The following UGT1A3 variants were observed in gnomAD, a reference collection of about 807,000 sequenced individuals.
UGT1A3 encodes UDP glucuronosyltransferase family 1 member A3.
In UGT1A3, 31 loss-of-function variants were observed where a neutral mutation model predicts 41.0. The observed-to-expected ratio is 0.76, with a 90% CI of 0.57 to 1.02. The LOEUF is 1.02. Among genes scored for constraint, UGT1A3 ranks in the 50% least tolerant of loss-of-function variants. The pLI is 0.00. For missense variants in UGT1A3, 737 were observed against 671.0 expected (o/e 1.10, Z -1.09); for synonymous variants, 262 against 257.6 (o/e 1.02, Z -0.17).
Position 233,772,633 on chromosome 2 carries a change from T to G in UGT1A3, c.*74T>G. The G allele has an allele frequency of 6.4e-7, 1 of 1,555,996 alleles. No homozygotes were observed. Among genetic ancestry groups the G allele is most frequent in the Non-Finnish European group, 8.7e-7 (1 of 1,149,842 alleles). On this transcript the variant is annotated 3_prime_UTR_variant, in exon 5 of 5. Transcript: ENST00000482026. ...TCCAAACTTGAAAACAGAATCAGTG[T>G]TAAATTCATTTTATTCTTATTAAGG... is the stretch of plus-strand genomic sequence containing the variant.
chr2:233,745,020 A>G (rs1324116484), intron 1 of UGT1A3, among the ~76,000 whole-genome samples: 3 of 151,866 alleles, frequency 2.0e-5, no homozygotes, highest in Admixed American at 2.0e-4. Flanking sequence ...TGTAAATGCT[A>G]TGTAAATAGT....
chr2:233,753,031 A>G (rs1329655669), intron 1 of UGT1A3, among the ~76,000 whole-genome samples: 1 of 152,134 alleles, frequency 6.6e-6, no homozygotes, highest in African/African-American at 2.4e-5. Context: ...AACACAAAAA[A>G]CTACCATGAA....
At chr2:233,749,455 A>C (rs1355144259) in intron 1 of UGT1A3, among the ~76,000 whole-genome samples, 1 of 151,860 alleles carries the variant, frequency 6.6e-6, no homozygotes, top group East Asian at 1.9e-4. Flanking sequence ...GAGCAGAACG[A>C]ATTGGGAACT....
Position 233,772,517 on chromosome 2 carries a change from A to G in UGT1A3, c.1563A>G (p.Lys521=). Residue 521 remains lysine, a synonymous_variant, in exon 5 of 5, where the codon AAA becomes AAG. Transcript: ENST00000482026. Reference sequence around the variant, plus strand: ...ATGGCTACCGGAAATGCTTGGGGAAAAAAGGGCGAGTTAAGAAAGCCCACA... The same window carrying G: ...ATGGCTACCGGAAATGCTTGGGGAAGAAAGGGCGAGTTAAGAAAGCCCACA... ...CAYGYRKCLG[K]KGRVKKAHKS... 6.2e-7 allele frequency: 1 copy of G among 1,614,222 alleles called. No homozygotes were observed. Among genetic ancestry groups the G allele is most frequent in the South Asian group, 1.1e-5 (1 of 91,086 alleles).
At chr2:233,760,867 C>T (rs767983942) in intron 1 of UGT1A3, 3 of 1,614,156 alleles carry the variant, frequency 1.9e-6, no homozygotes, top group Non-Finnish European at 2.5e-6. Flanking sequence ...CTCCTACGTG[C>T]CCAGGCCTCT....
chr2:233,734,192 C>T (rs7567468), intron 1 of UGT1A3, among the ~76,000 whole-genome samples: 44,730 of 151,966 alleles, frequency 0.29, 6,702 homozygotes, highest in South Asian at 0.39. Context: ...ATTATTGCCT[C>T]AATTTCAGAG....
intron 1 of UGT1A3, among the ~76,000 whole-genome samples, chr2:233,742,141 C>G (rs569949528): frequency 6.6e-6 from 1 of 151,830 alleles, no homozygotes; most frequent in Non-Finnish European, 1.5e-5. Flanking sequence ...AACCCAGCAG[C>G]GCTAGACGAA....
chr2:233,757,160 CAG>C (rs980635310), intron 1 of UGT1A3, among the ~76,000 whole-genome samples: 33 of 151,262 alleles, frequency 2.2e-4, no homozygotes, highest in African/African-American at 7.8e-4. Context: ...GGGTCTATCC[CAG>C]AGTTTTGAGA....
chr2:233,748,792 C>G (rs1168235446), intron 1 of UGT1A3, among the ~76,000 whole-genome samples: 1 of 151,266 alleles, frequency 6.6e-6, no homozygotes, highest in Non-Finnish European at 1.5e-5. Context: ...ACTTGGAATG[C>G]TGAAATTATC....
At chr2:233,746,322 CTA>C (rs780402376) in intron 1 of UGT1A3, among the ~76,000 whole-genome samples, 9 of 151,756 alleles carry the variant, frequency 5.9e-5, no homozygotes, top group Non-Finnish European at 1.0e-4. Flanking sequence ...TGTAGATGAT[CTA>C]CAGGGCAATG....
At position 233,772,539 on chromosome 2, in the gene UGT1A3, C is replaced by T; in HGVS notation, c.1585C>T (p.His529Tyr). 1.9e-6 allele frequency: 3 copies of T among 1,614,040 alleles called. No homozygotes were observed. The East Asian group carries it at 6.7e-5, about 36-fold the overall frequency. The change falls in exon 5 of 5, where the codon CAC becomes TAC. Residue 529 changes from histidine to tyrosine, a missense_variant. His to Tyr is a moderately conservative substitution (Grantham distance 83). Transcript: ENST00000482026. Reference protein sequence around the residue: ...LGKKGRVKKAHKSKTH With the variant: ...LGKKGRVKKAYKSKTH ...GAAAAAAGGGCGAGTTAAGAAAGCC[C>T]ACAAATCCAAGACCCATTGAGAAGT...
Position 233,747,571 on chromosome 2 carries a change from C to A in UGT1A3, c.867+17578C>A, listed in dbSNP as rs1265322590. The A allele has an allele frequency of 7.6e-6, 12 of 1,588,364 alleles. No individual in the cohort carries two copies. In the African/African-American group the frequency reaches 1.4e-4, roughly 18 times the overall value. ...AAAAGTATGGCAATTTTGAAAAATT[C>A]ATCTTTGGTCTTTCATAGGTCTTGT... On this transcript the variant is annotated intron_variant, in intron 1 of 4. Coordinates refer to ENST00000482026, the MANE Select transcript of UGT1A3 (RefSeq NM_019093.4).
chr2:233,768,231 A>T lies in UGT1A3; in HGVS notation c.1099A>T (p.Thr367Ser). ...PQNDLLGHPM[T>S]RAFITHAGSH... ...ATTTTGCATCTCAGGTCACCCGATG[A>T]CCCGTGCCTTTATCACCCATGCTGG... The change falls in exon 4 of 5, where the codon ACC (threonine) becomes TCC (serine). Residue 367 changes from threonine to serine, a missense_variant. Physicochemically the swap from Thr to Ser is moderately conservative, Grantham distance 58. Coordinates refer to ENST00000482026, the MANE Select transcript of UGT1A3 (RefSeq NM_019093.4). 1 of 1,614,162 alleles carries T rather than the reference A, an allele frequency of 6.2e-7. No individual in the cohort carries two copies. Among genetic ancestry groups the T allele is most frequent in the Middle Eastern group, 1.6e-4 (1 of 6,062 alleles).
intron 1 of UGT1A3, chr2:233,743,191 C>T (rs1334858681): frequency 2.7e-6 from 1 of 376,140 alleles, no homozygotes; most frequent in East Asian, 7.3e-5. Flanking sequence ...ACTGGAATTA[C>T]TTGGTGTCAA....
chr2:233,760,383 G>A (rs1029837369), intron 1 of UGT1A3: 1 of 1,614,062 alleles, frequency 6.2e-7, no homozygotes, highest in African/African-American at 1.3e-5. Flanking sequence ...AGATACTGTT[G>A]ATCCCAGTGG....
At chr2:233,749,908 A>G (rs1325539824) in intron 1 of UGT1A3, among the ~76,000 whole-genome samples, 1 of 151,938 alleles carries the variant, frequency 6.6e-6, no homozygotes, top group African/African-American at 2.4e-5. Flanking sequence ...AGCCACCTGG[A>G]ACTGTGAGTC....
chr2:233,761,975 T>C (rs1697919951), intron 1 of UGT1A3, among the ~76,000 whole-genome samples: 1 of 152,208 alleles, frequency 6.6e-6, no homozygotes, highest in South Asian at 2.1e-4. Flanking sequence ...TGATATCACC[T>C]TCGGAGGTGA....
chr2:233,772,677 A>C lies in UGT1A3; in HGVS notation c.*118A>C. The C allele has an allele frequency of 1.4e-5, 22 of 1,531,978 alleles. No homozygotes were observed. The highest frequency in any genetic ancestry group is 1.8e-5 in the Non-Finnish European group (21 of 1,142,190). 94.9% of individuals were successfully genotyped at this position (1,531,978 alleles called of 1,614,324 possible). On this transcript the variant is annotated 3_prime_UTR_variant, in exon 5 of 5. Transcript: ENST00000482026. Reference sequence around the variant, plus strand: ...ATTAAGGAAATACTTTGCATAAATTAATCAGCCCCAGAGTGCTTTAAAAAA... The same window carrying C: ...ATTAAGGAAATACTTTGCATAAATTCATCAGCCCCAGAGTGCTTTAAAAAA...
intron 1 of UGT1A3, among the ~76,000 whole-genome samples, chr2:233,735,108 G>A (rs1171222877): frequency 3.9e-5 from 6 of 152,182 alleles, no homozygotes; most frequent in Non-Finnish European, 8.8e-5. Context: ...AATATCGACA[G>A]TGGGATGTTA....
Sources: gnomAD v4.1 joint callset for allele counts (sites outside exome capture counted in the v4.1 genomes callset) on GRCh38, gnomAD v4.1.1 for gene constraint, MANE v1.5 for transcripts, NCBI Gene and HGNC (gene_info 2026-07-23, HGNC 2026-07-21) for gene names.